The following NECTIN3 variants were observed in gnomAD, a reference collection of about 807,000 sequenced individuals.
NECTIN3 encodes nectin cell adhesion molecule 3.
A neutral mutation model predicts 49.4 loss-of-function variants in NECTIN3; 8 were observed. The ratio of observed to expected loss-of-function variants is 0.16; its 90% CI spans 0.10 to 0.29. The LOEUF is 0.29. Among genes scored for constraint, NECTIN3 ranks in the 10% least tolerant of loss-of-function variants. The pLI, the probability that NECTIN3 is intolerant of heterozygous loss-of-function variation, is 1.00. For synonymous variants in NECTIN3, 277 were observed against 241.1 expected (o/e 1.15, Z -1.38); for missense variants, 581 against 654.6 (o/e 0.89, Z 1.23).
At chr3:111,165,007 T>C (rs143708856) in intron 7 of NECTIN3, among the ~76,000 whole-genome samples, 3 of 152,254 alleles carry the variant, frequency 2.0e-5, no homozygotes, top group Non-Finnish European at 2.9e-5. Flanking sequence ...AAGCTTAACT[T>C]TAATCAGAAT....
At chr3:111,176,429 C>T (rs902074187) in intron 7 of NECTIN3, among the ~76,000 whole-genome samples, 5 of 152,278 alleles carry the variant, frequency 3.3e-5, no homozygotes, top group East Asian at 1.9e-4. Flanking sequence ...CTCAAGCTGC[C>T]TCTGTGCAGG....
chr3:111,155,096 CCCAG>C (rs774257543), intron 7 of NECTIN3, among the ~76,000 whole-genome samples: 1 of 152,104 alleles, frequency 6.6e-6, no homozygotes, highest in Non-Finnish European at 1.5e-5. Flanking sequence ...CACCACCAGG[CCCAG>C]CTAATTTTTG....
rs1576151199 is a variant in NECTIN3, at chr3:111,135,260, A to G, written c.*1045A>G. 2.1e-6 allele frequency: 2 copies of G among 969,230 alleles called. No individual in the cohort carries two copies. Among genetic ancestry groups the G allele is most frequent in the Non-Finnish European group, 1.2e-6 (1 of 815,682 alleles). 60.0% of individuals were successfully genotyped at this position (969,230 alleles called of 1,614,324 possible). A position where few individuals can be genotyped will look rare whatever the true frequency, so the allele number is the denominator to read the frequency against. On this transcript the variant is annotated 3_prime_UTR_variant, in exon 6 of 6. Transcript: ENST00000485303. ...GGAACTTTGGATATAACTAGAAAAA[A>G]CTAGATTATAGAATTAGTCGGTAAC...
At chr3:111,149,073 C>A (rs1260019151) in intron 7 of NECTIN3, among the ~76,000 whole-genome samples, 1 of 151,934 alleles carries the variant, frequency 6.6e-6, no homozygotes. Flanking sequence ...ATGGGATAAC[C>A]AGTTGTCCAA....
intron 7 of NECTIN3, among the ~76,000 whole-genome samples, chr3:111,169,333 G>C (rs1317715899): frequency 6.8e-6 from 1 of 146,300 alleles, no homozygotes; most frequent in Non-Finnish European, 1.5e-5. Context: ...CTCGTGATCT[G>C]CCCGTCTCAG....
chr3:111,145,337 T>G (rs2034847781), intron 6 of NECTIN3, among the ~76,000 whole-genome samples: 2 of 152,324 alleles, frequency 1.3e-5, no homozygotes, highest in South Asian at 2.1e-4. Context: ...AATAGAAATG[T>G]AAGCCTTTCA....
At chr3:111,150,531 C>T (rs907426630) in intron 7 of NECTIN3, among the ~76,000 whole-genome samples, 2 of 151,822 alleles carry the variant, frequency 1.3e-5, no homozygotes, top group Non-Finnish European at 2.9e-5. Flanking sequence ...GCATAAAGTA[C>T]TTGTATGAAT....
intron 1 of NECTIN3, 32 bp downstream of exon 1, chr3:111,072,209 A>AGGGAGCCGCCACTGAGGGTGC: frequency 6.6e-7 from 1 of 1,524,372 alleles, no homozygotes; most frequent in Non-Finnish European, 8.8e-7. Context: ...GCGTGGGCTG[A>AGGGAGCCGCCACTGAGGGTGC]GGGAGCCGCC....
intron 1 of NECTIN3, among the ~76,000 whole-genome samples, chr3:111,100,688 A>G (rs1576099205): frequency 6.6e-6 from 1 of 152,056 alleles, no homozygotes; most frequent in East Asian, 1.9e-4. Context: ...ATATTTAAAT[A>G]GTAATTTAAA....
At chr3:111,138,415 T>A (rs2034651819), downstream of NECTIN3, among the ~76,000 whole-genome samples, 1 of 151,588 alleles carries the variant, frequency 6.6e-6, no homozygotes, top group Admixed American at 6.6e-5. Context: ...GCTTTTCTGT[T>A]TATATATTTC....
intron 7 of NECTIN3, chr3:111,147,552 T>G: frequency 9.9e-6 from 13 of 1,310,616 alleles, no homozygotes; most frequent in Non-Finnish European, 1.4e-5. Context: ...CCATTTGTAT[T>G]ATTTCTTTCA....
At position 111,104,477 on chromosome 3, in the gene NECTIN3, C is replaced by T. The variant is rs149174229; in HGVS notation, c.161-7553C>T. 5.6e-3 allele frequency among the ~76,000 whole-genome samples: 847 copies of T among 151,948 alleles called. 6 individuals carry two copies. Among genetic ancestry groups the T allele is most frequent in the African/African-American group, 0.019 (806 of 41,460 alleles). ...CTGGGACTACAGGCGTACACCAACA[C>T]GTCTGGCTAATTTTTTATTTTTCGT... On this transcript the variant is annotated intron_variant, in intron 1 of 5. Coordinates refer to ENST00000485303, the MANE Select transcript of NECTIN3 (RefSeq NM_015480.3).
intron 7 of NECTIN3, among the ~76,000 whole-genome samples, chr3:111,179,411 T>C (rs368855994): frequency 6.6e-6 from 1 of 152,204 alleles, no homozygotes; most frequent in Non-Finnish European, 1.5e-5. Context: ...AGTCAGTTTC[T>C]ATGCAATGAT....
intron 5 of NECTIN3, among the ~76,000 whole-genome samples, chr3:111,130,440 C>A (rs974363807): frequency 8.6e-5 from 13 of 151,886 alleles, no homozygotes; most frequent in African/African-American, 3.1e-4. Flanking sequence ...TAGGCTTTTA[C>A]AAGAGTGAGA....
chr3:111,079,937 A>G (rs957404017), intron 1 of NECTIN3, among the ~76,000 whole-genome samples: 2 of 152,090 alleles, frequency 1.3e-5, no homozygotes, highest in Non-Finnish European at 2.9e-5. Context: ...CAATATTGAA[A>G]TAACAGTAAG....
intron 3 of NECTIN3, among the ~76,000 whole-genome samples, chr3:111,121,339 A>G (rs2033944607): frequency 6.6e-6 from 1 of 152,066 alleles, no homozygotes; most frequent in Non-Finnish European, 1.5e-5. Flanking sequence ...TCTAAGTGCC[A>G]TGCCTGGCAC....
intron 7 of NECTIN3, among the ~76,000 whole-genome samples, chr3:111,151,601 G>A (rs1437947005): frequency 1.3e-5 from 2 of 151,844 alleles, no homozygotes; most frequent in Non-Finnish European, 2.9e-5. Context: ...TTTAGCATAA[G>A]AAAATAGAGA....
At chr3:111,163,599 A>G (rs977755360) in intron 7 of NECTIN3, among the ~76,000 whole-genome samples, 1 of 152,224 alleles carries the variant, frequency 6.6e-6, no homozygotes, top group Non-Finnish European at 1.5e-5. Flanking sequence ...ATGTCACTTT[A>G]TAATTCATTT....
intron 5 of NECTIN3, among the ~76,000 whole-genome samples, chr3:111,126,785 G>A (rs1409120947): frequency 6.6e-6 from 1 of 152,064 alleles, no homozygotes; most frequent in Non-Finnish European, 1.5e-5. Context: ...CTTAATATGG[G>A]ACTATACCAT....
Sources: gnomAD v4.1 joint callset for allele counts (sites outside exome capture counted in the v4.1 genomes callset) on GRCh38, gnomAD v4.1.1 for gene constraint, MANE v1.5 for transcripts, NCBI Gene and HGNC (gene_info 2026-07-23, HGNC 2026-07-21) for gene names.